The following GRK7 variants were observed in gnomAD, a reference collection of about 807,000 sequenced individuals.
The protein encoded by GRK7 is rhodopsin kinase GRK7.
A neutral mutation model predicts 34.1 loss-of-function variants in GRK7; 24 were observed. The ratio of observed to expected loss-of-function variants is 0.70; its 90% CI spans 0.51 to 0.99. The LOEUF is 0.99. Among genes scored for constraint, GRK7 ranks in the 50% least tolerant of loss-of-function variants. GRK7 has a pLI of 0.00. For synonymous variants in GRK7, 256 were observed against 279.4 expected (o/e 0.92, Z 0.84); for missense variants, 644 against 707.3 (o/e 0.91, Z 1.02).
chr3:141,817,697 T>C lies in GRK7; in HGVS notation c.*647T>C, dbSNP rs1711168368. The C allele has an allele frequency of 6.6e-6, 1 of 152,250 alleles. No homozygotes were observed. Among genetic ancestry groups the C allele is most frequent in the African/African-American group, 2.4e-5 (1 of 41,474 alleles). 9.4% of individuals were successfully genotyped at this position (152,250 alleles called of 1,614,324 possible). On this transcript the variant is annotated 3_prime_UTR_variant, in exon 6 of 6. Transcript: ENST00000682958. ...TCTGTGAATTAAAGCATTCTGTAAA[T>C]TTAGTTGAGTCCTTTAAGTAATATG...
intron 4 of GRK7, among the ~76,000 whole-genome samples, chr3:141,781,732 A>G (rs2084673307): frequency 6.6e-6 from 1 of 152,202 alleles, no homozygotes; most frequent in South Asian, 2.1e-4. Context: ...AAGGCAACTG[A>G]TGTTTATTTT....
chr3:141,779,409 C>CAAAAAAAAA (rs10626329), intron 3 of GRK7, among the ~76,000 whole-genome samples: 29 of 96,380 alleles, frequency 3.0e-4, no homozygotes, highest in African/African-American at 4.7e-4. Context: ...GAGCAAGACT[C>CAAAAAAAAA]AAAAAAAAAA....
intron 1 of GRK7, among the ~76,000 whole-genome samples, chr3:141,772,469 A>G (rs1044911579): frequency 1.3e-5 from 2 of 152,206 alleles, no homozygotes; most frequent in African/African-American, 4.8e-5. Context: ...CTGTGTTTCT[A>G]AGACCATATA....
chr3:141,818,490 A>C lies in GRK7; in HGVS notation c.*1440A>C, dbSNP rs536126913. The C allele has an allele frequency of 2.0e-5, 3 of 151,004 alleles. No individual in the cohort carries two copies. The highest frequency in any genetic ancestry group is 1.9e-4 in the East Asian group (1 of 5,216). The allele number at this position is 151,004 out of a possible 1,614,324, so 9.4% of individuals were successfully genotyped here. ...GAGCAAGACTCTATCTCAAAAAAAA[A>C]CAAAACAAAACAAAACAAAAAAAAC... On this transcript the variant is annotated 3_prime_UTR_variant, in exon 6 of 6. Transcript: ENST00000682958.
chr3:141,763,486 G>A lies in GRK7; in HGVS notation c.-2467G>A, dbSNP rs2084566398. Among the ~76,000 whole-genome samples, 1 of 152,148 alleles carries A rather than the reference G, an allele frequency of 6.6e-6. No homozygotes were observed. The highest frequency in any genetic ancestry group is 2.4e-5 in the African/African-American group (1 of 41,432). On this transcript the variant is annotated 5_prime_UTR_variant, in exon 1 of 6. Transcript: ENST00000682958. Reference sequence around the variant, plus strand: ...CTCAGATCAGCCCAACCCTCTGCCAGCTCCACCTTCACAGACGAGGAACCA... The same window carrying A: ...CTCAGATCAGCCCAACCCTCTGCCAACTCCACCTTCACAGACGAGGAACCA...
chr3:141,783,375 G>A (rs2107880159), intron 4 of GRK7, among the ~76,000 whole-genome samples: 1 of 152,350 alleles, frequency 6.6e-6, no homozygotes, highest in Non-Finnish European at 1.5e-5. Flanking sequence ...GGCCATGTGT[G>A]CCCACGTTGT....
chr3:141,770,382 A>T (rs1188075188), intron 1 of GRK7, among the ~76,000 whole-genome samples: 1 of 152,220 alleles, frequency 6.6e-6, no homozygotes, highest in Non-Finnish European at 1.5e-5. Flanking sequence ...TACATGAAGG[A>T]AACAGACCAG....
intron 4 of GRK7, among the ~76,000 whole-genome samples, chr3:141,804,259 A>G (rs570797748): frequency 1.1e-4 from 17 of 152,238 alleles, no homozygotes; most frequent in African/African-American, 2.2e-4. Context: ...TGTTGTCTTT[A>G]GTCATCTGGG....
At chr3:141,791,817 A>C (rs2084725662) in intron 4 of GRK7, among the ~76,000 whole-genome samples, 1 of 151,718 alleles carries the variant, frequency 6.6e-6, no homozygotes, top group Non-Finnish European at 1.5e-5. Flanking sequence ...CAGCCTGGCC[A>C]ACATGGTGAA....
chr3:141,810,610 A>G (rs1410696435), intron 5 of GRK7, among the ~76,000 whole-genome samples: 1 of 152,116 alleles, frequency 6.6e-6, no homozygotes, highest in African/African-American at 2.4e-5. Flanking sequence ...TCAGCCTCCC[A>G]GGTTCAAGCA....
chr3:141,785,866 G>C (rs1278045520), intron 4 of GRK7, among the ~76,000 whole-genome samples: 1 of 151,778 alleles, frequency 6.6e-6, no homozygotes, highest in Non-Finnish European at 1.5e-5. Flanking sequence ...TTGAGCTCAG[G>C]AGTTCAAGGC....
intron 1 of GRK7, among the ~76,000 whole-genome samples, chr3:141,773,249 T>A (rs911589564): frequency 6.6e-6 from 1 of 152,138 alleles, no homozygotes; most frequent in Non-Finnish European, 1.5e-5. Flanking sequence ...ATTGTTGAGT[T>A]ACAATAGTGT....
Position 141,780,535 on chromosome 3 carries a change from T to G in GRK7, c.774T>G (p.Phe258Leu), listed in dbSNP as rs1315471204. The change falls in exon 4 of 6, where the codon TTT becomes TTG. Residue 258 changes from phenylalanine to leucine, a missense_variant. Coordinates refer to ENST00000682958, the MANE Select transcript of GRK7 (RefSeq NM_139209.3). ...TCATTGTCTCTCTGGCCTATGCCTTTGAGAGCAAGACCCATCTCTGCCTTG... is the reference window on the plus strand; with the variant it reads ...TCATTGTCTCTCTGGCCTATGCCTTGGAGAGCAAGACCCATCTCTGCCTTG... ...SPFIVSLAYA[F>L]ESKTHLCLVM... is the part of the protein sequence containing the mutation. 1 of 1,614,098 alleles carries G rather than the reference T, an allele frequency of 6.2e-7. No homozygotes were observed. Among genetic ancestry groups the G allele is most frequent in the East Asian group, 2.2e-5 (1 of 44,898 alleles).
chr3:141,809,491 A>C lies in GRK7; in HGVS notation c.1325+1572A>C, dbSNP rs150333194. ...GGTGGGAGGATTGCTTGAGCCCAGG[A>C]GTTCAAGACCAGCCTAAGCAACATA... is the stretch of plus-strand genomic sequence containing the variant. On this transcript the variant is annotated intron_variant, in intron 5 of 5. Transcript: ENST00000682958. Among the ~76,000 whole-genome samples the C allele has an allele frequency of 3.8e-3, 577 of 152,270 alleles. 7 individuals are homozygous for C. The highest frequency in any genetic ancestry group is 0.013 in the African/African-American group (561 of 41,560).
chr3:141,795,486 C>T (rs569881748), intron 4 of GRK7, among the ~76,000 whole-genome samples: 1 of 152,330 alleles, frequency 6.6e-6, no homozygotes, highest in African/African-American at 2.4e-5. Flanking sequence ...CAGCTGGCTG[C>T]AGTGTGGAGT....
At chr3:141,811,676 T>A (rs916369151) in intron 5 of GRK7, among the ~76,000 whole-genome samples, 1 of 152,176 alleles carries the variant, frequency 6.6e-6, no homozygotes, top group African/African-American at 2.4e-5. Context: ...TTTATATTTT[T>A]AAAAAATTTA....
chr3:141,796,103 C>T (rs1710869329), intron 4 of GRK7, among the ~76,000 whole-genome samples: 1 of 152,174 alleles, frequency 6.6e-6, no homozygotes, highest in Admixed American at 6.5e-5. Context: ...GGAGCTTGAG[C>T]ATTTGAATCC....
At chr3:141,775,365 C>T (rs939811737) in intron 2 of GRK7, among the ~76,000 whole-genome samples, 6 of 151,358 alleles carry the variant, frequency 4.0e-5, no homozygotes, top group Admixed American at 1.3e-4. Context: ...CTAGCCTGGG[C>T]GACGACAGAG....
At position 141,780,941 on chromosome 3, in the gene GRK7, G is replaced by A. The variant is rs576196095; in HGVS notation, c.1050+130G>A. 80 of 770,380 alleles carry A rather than the reference G, an allele frequency of 1.0e-4. 1 individual carries two copies. In the South Asian group the frequency reaches 1.3e-3, roughly 13 times the overall value. The allele number at this position is 770,380 out of a possible 1,614,324, so 47.7% of individuals were successfully genotyped here. On this transcript the variant is annotated intron_variant, in intron 4 of 5. Coordinates refer to ENST00000682958, the MANE Select transcript of GRK7 (RefSeq NM_139209.3). ...TGGTTTTTTTTCCTAAAGCGCTTAC[G>A]TTGTCATCTTGCCTTAAGATGAGTG... is the stretch of plus-strand genomic sequence containing the variant.
Sources: gnomAD v4.1 joint callset for allele counts (sites outside exome capture counted in the v4.1 genomes callset) on GRCh38, gnomAD v4.1.1 for gene constraint, MANE v1.5 for transcripts, NCBI Gene and HGNC (gene_info 2026-07-23, HGNC 2026-07-21) for gene names.